ELMO1: variants seen among roughly 807,000 people sequenced by gnomAD.
ELMO1 encodes the protein engulfment and cell motility 1, also known as engulfment and cell motility protein 1.
A neutral mutation model predicts 98.9 loss-of-function variants in ELMO1; 26 were observed. The observed-to-expected ratio is 0.26, with a 90% confidence interval of 0.19 to 0.36. ELMO1 has a LOEUF of 0.36. ELMO1 is among the 10% of genes least tolerant of loss of function. The pLI is 1.00. For missense variants in ELMO1, 627 were observed against 935.2 expected (o/e 0.67, Z 4.30); for synonymous variants, 346 against 346.0 (o/e 1.00, Z 0.00).
chr7:37,433,921 C>G (rs1447931874), intron 1 of ELMO1, among the ~76,000 whole-genome samples: 1 of 152,134 alleles, frequency 6.6e-6, no homozygotes, highest in Non-Finnish European at 1.5e-5. Flanking sequence ...ACTCAGAACC[C>G]CTGCCTGTCC....
intron 1 of ELMO1, among the ~76,000 whole-genome samples, chr7:37,356,776 A>G (rs1234072730): frequency 6.6e-6 from 1 of 152,146 alleles, no homozygotes; most frequent in Non-Finnish European, 1.5e-5. Flanking sequence ...AAAAAAAGAA[A>G]AGAAAAATGA....
chr7:37,040,163 T>C (rs1795422117), intron 15 of ELMO1, among the ~76,000 whole-genome samples: 2 of 152,330 alleles, frequency 1.3e-5, no homozygotes, highest in South Asian at 4.1e-4. Context: ...AATAGCTACC[T>C]GTGGCTAGTG....
At chr7:37,421,295 C>T (rs1421378039) in intron 1 of ELMO1, among the ~76,000 whole-genome samples, 3 of 152,218 alleles carry the variant, frequency 2.0e-5, no homozygotes, top group South Asian at 2.1e-4. Flanking sequence ...AGCTTTCCCC[C>T]GTTTTCTTAT....
chr7:37,207,822 A>G (rs1792726065), intron 13 of ELMO1, among the ~76,000 whole-genome samples: 1 of 152,194 alleles, frequency 6.6e-6, no homozygotes, highest in South Asian at 2.1e-4. Flanking sequence ...GGCACCCGAC[A>G]AGAGCAAAAC....
At chr7:37,320,193 C>G (rs1280873890) in intron 2 of ELMO1, among the ~76,000 whole-genome samples, 1 of 152,018 alleles carries the variant, frequency 6.6e-6, no homozygotes, top group East Asian at 1.9e-4. Context: ...AGGAGAATTA[C>G]TTGAATCCAG....
intron 16 of ELMO1, among the ~76,000 whole-genome samples, chr7:36,978,035 G>A (rs1416830126): frequency 6.6e-6 from 1 of 152,162 alleles, no homozygotes; most frequent in Non-Finnish European, 1.5e-5. Context: ...GGAATCCCAA[G>A]GCCTAGAACA....
At position 37,293,418 on chromosome 7, in the gene ELMO1, C is replaced by T. The variant is rs1265466194; in HGVS notation, c.192+21432G>A. Among the ~76,000 whole-genome samples the T allele has an allele frequency of 6.1e-5, 5 of 82,294 alleles. No individual in the cohort carries two copies. In the East Asian group the frequency reaches 1.3e-3, roughly 21 times the overall value. The allele number at this position is 82,294 out of a possible 152,430, so 54.0% of individuals were successfully genotyped here. A position where few individuals can be genotyped will look rare whatever the true frequency, so the allele number is the denominator to read the frequency against. On this transcript the variant is annotated intron_variant, in intron 4 of 21. Transcript: ENST00000310758. The stretch of plus-strand genomic sequence containing the variant: ...GGGATCCTGTTGATCGGTGACCTTA[C>T]CCCCAACCCTGTGCTCTCTGACACA...
chr7:36,870,321 A>G lies in ELMO1; in HGVS notation c.1905+72T>C. Reference sequence around the variant, plus strand: ...ACACACACGAACACTGCTATAAAGGAGGGCTAGGCTGGCTGCAGTTGCCGA... The same window carrying G: ...ACACACACGAACACTGCTATAAAGGGGGGCTAGGCTGGCTGCAGTTGCCGA... On this transcript the variant is annotated intron_variant, in intron 20 of 21. Coordinates refer to ENST00000310758, the MANE Select transcript of ELMO1 (RefSeq NM_014800.11). This position sits in a 1 kb window ranked among gnomAD's most constrained non-coding sequence, Gnocchi z 4.4. 1 of 1,336,560 alleles carries G rather than the reference A, an allele frequency of 7.5e-7. No individual in the cohort carries two copies. The highest frequency in any genetic ancestry group is 1.1e-6 in the Non-Finnish European group (1 of 932,678). 82.8% of individuals were successfully genotyped at this position (1,336,560 alleles called of 1,614,324 possible). A position where few individuals can be genotyped will look rare whatever the true frequency, so the allele number is the denominator to read the frequency against.
intron 4 of ELMO1, among the ~76,000 whole-genome samples, chr7:37,292,373 G>A (rs372238080): frequency 0.092 from 6,863 of 74,902 alleles, 1,140 homozygotes; most frequent in Middle Eastern, 0.26. Flanking sequence ...CCGCCACCCC[G>A]TCTGGGAAGT....
chr7:37,413,125 CA>C (rs372439086), intron 1 of ELMO1, among the ~76,000 whole-genome samples: 34 of 138,926 alleles, frequency 2.4e-4, no homozygotes, highest in African/African-American at 4.9e-4. Flanking sequence ...ATAACTTGAC[CA>C]AATTTTTTTT....
chr7:37,226,860 G>C (rs1348402650), intron 8 of ELMO1, among the ~76,000 whole-genome samples: 1 of 152,078 alleles, frequency 6.6e-6, no homozygotes, highest in Non-Finnish European at 1.5e-5. Flanking sequence ...TATGTAACAG[G>C]CTTGCCCTGT....
chr7:37,344,785 G>A (rs1030822921), intron 1 of ELMO1, among the ~76,000 whole-genome samples: 1 of 152,176 alleles, frequency 6.6e-6, no homozygotes, highest in African/African-American at 2.4e-5. Flanking sequence ...TGTGAGTGAG[G>A]CTGAACATAA....
intron 1 of ELMO1, among the ~76,000 whole-genome samples, chr7:37,370,609 C>T (rs962539464): frequency 2.6e-5 from 4 of 152,056 alleles, no homozygotes; most frequent in Admixed American, 6.6e-5. Context: ...ACCCAAAAGG[C>T]ATATCCAGGC....
At chr7:37,328,690 T>C (rs1263390824) in intron 2 of ELMO1, among the ~76,000 whole-genome samples, 3 of 152,184 alleles carry the variant, frequency 2.0e-5, no homozygotes, top group Admixed American at 6.5e-5. Context: ...TCCTTCCTCA[T>C]GCATAAATTA....
At chr7:37,367,254 C>T (rs1801942338) in intron 1 of ELMO1, among the ~76,000 whole-genome samples, 1 of 152,208 alleles carries the variant, frequency 6.6e-6, no homozygotes. Flanking sequence ...AATTGGCACA[C>T]ACACATTCCC....
intron 7 of ELMO1, among the ~76,000 whole-genome samples, chr7:37,241,117 A>G (rs1794744527): frequency 6.6e-6 from 1 of 152,050 alleles, no homozygotes; most frequent in African/African-American, 2.4e-5. Context: ...TGTTTGCTTC[A>G]CGTATTTTAA....
At chr7:37,227,549 C>G (rs1045299690) in intron 8 of ELMO1, among the ~76,000 whole-genome samples, 1 of 152,080 alleles carries the variant, frequency 6.6e-6, no homozygotes, top group Non-Finnish European at 1.5e-5. Flanking sequence ...CCACGCCAAG[C>G]TAATTTTTCT....
At chr7:37,380,616 A>G (rs1802542672) in intron 1 of ELMO1, among the ~76,000 whole-genome samples, 1 of 152,210 alleles carries the variant, frequency 6.6e-6, no homozygotes, top group Non-Finnish European at 1.5e-5. Context: ...TGTGTTCTAT[A>G]AAGTCACCAC....
intron 20 of ELMO1, among the ~76,000 whole-genome samples, chr7:36,862,349 T>C (rs1285745573): frequency 6.6e-6 from 1 of 152,242 alleles, no homozygotes; most frequent in Non-Finnish European, 1.5e-5. Flanking sequence ...GCTTAGGTCT[T>C]ACCCAGCAGA....
Sources: allele counts gnomAD v4.1 joint callset (sites outside exome capture counted in the v4.1 genomes callset), GRCh38; gene constraint gnomAD v4.1.1; non-coding constraint Gnocchi (gnomAD v3.1); transcripts MANE v1.5; gene names NCBI Gene and HGNC (gene_info 2026-07-23, HGNC 2026-07-21).